Variants in PDE4B observed in about 807,000 individuals in gnomAD.
PDE4B encodes phosphodiesterase 4B.
In PDE4B, 20 loss-of-function variants were observed where a neutral mutation model predicts 82.2. The ratio of observed to expected loss-of-function variants is 0.24; its 90% CI spans 0.17 to 0.35. The LOEUF is 0.35. Among genes scored for constraint, PDE4B ranks in the 10% least tolerant of loss-of-function variants. The pLI is 1.00. For synonymous variants in PDE4B, 320 were observed against 318.9 expected (o/e 1.00, Z -0.04); for missense variants, 655 against 907.2 (o/e 0.72, Z 3.57).
intron 7 of PDE4B, among the ~76,000 whole-genome samples, chr1:66,311,803 C>A (rs1470572718): frequency 6.6e-6 from 1 of 152,200 alleles, no homozygotes; most frequent in Non-Finnish European, 1.5e-5. Context: ...GTAAATGGTA[C>A]AGTGGCAGAG....
chr1:66,281,825 C>A (rs376687349), intron 7 of PDE4B, among the ~76,000 whole-genome samples: 4 of 152,276 alleles, frequency 2.6e-5, no homozygotes, highest in South Asian at 2.1e-4. Flanking sequence ...ATCATTATCC[C>A]ATTTTTTTTA....
chr1:66,102,447 C>G lies in PDE4B; in HGVS notation c.282-145013C>G, dbSNP rs867390811. Among the ~76,000 whole-genome samples, 12 of 152,072 alleles carry G rather than the reference C, an allele frequency of 7.9e-5. No homozygotes were observed. In the South Asian group the frequency reaches 2.5e-3, roughly 32 times the overall value. ...ATGGGAAATATTGAAATTCATTTTGCTGTAAGTATAGCTGGTGAAGTGAGC... is the reference window on the plus strand; with the variant it reads ...ATGGGAAATATTGAAATTCATTTTGGTGTAAGTATAGCTGGTGAAGTGAGC... On this transcript the variant is annotated intron_variant, in intron 3 of 16. Transcript: ENST00000341517.
At chr1:65,853,806 G>T (rs1237816314) in intron 1 of PDE4B, among the ~76,000 whole-genome samples, 1 of 152,160 alleles carries the variant, frequency 6.6e-6, no homozygotes, top group African/African-American at 2.4e-5. Context: ...AGGATTACAG[G>T]CATGAGCCAC....
chr1:65,993,748 A>C (rs574998933), intron 3 of PDE4B, among the ~76,000 whole-genome samples: 1 of 152,158 alleles, frequency 6.6e-6, no homozygotes, highest in Admixed American at 6.6e-5. Flanking sequence ...TGTTATCTTT[A>C]AGAGCTTCTT....
chr1:66,079,240 T>C (rs1463374353), intron 3 of PDE4B, among the ~76,000 whole-genome samples: 1 of 151,692 alleles, frequency 6.6e-6, no homozygotes, highest in African/African-American at 2.4e-5. Flanking sequence ...CATTTAATGC[T>C]TTTTTATTTT....
intron 1 of PDE4B, among the ~76,000 whole-genome samples, chr1:65,827,731 T>C (rs961777144): frequency 5.3e-5 from 8 of 152,078 alleles, no homozygotes; most frequent in African/African-American, 1.9e-4. Context: ...AAAAAATATT[T>C]GAAGAAATAA....
chr1:65,923,676 C>A (rs530235268), intron 3 of PDE4B, among the ~76,000 whole-genome samples: 1 of 152,218 alleles, frequency 6.6e-6, no homozygotes, highest in South Asian at 2.1e-4. Flanking sequence ...AACTATTTTT[C>A]CCTGCTTTTT....
At chr1:66,315,519 G>A (rs1002011803) in intron 7 of PDE4B, among the ~76,000 whole-genome samples, 2 of 152,130 alleles carry the variant, frequency 1.3e-5, no homozygotes, top group African/African-American at 4.8e-5. Flanking sequence ...GCAGTGGCAC[G>A]ATCTTGGCTC....
At chr1:65,888,515 T>C (rs1336693332) in intron 1 of PDE4B, among the ~76,000 whole-genome samples, 3 of 152,194 alleles carry the variant, frequency 2.0e-5, no homozygotes, top group Non-Finnish European at 4.4e-5. Flanking sequence ...TGGAATTATA[T>C]TGAATCTGCA....
chr1:66,180,347 T>C (rs1647034280), intron 3 of PDE4B, among the ~76,000 whole-genome samples: 1 of 152,176 alleles, frequency 6.6e-6, no homozygotes, highest in Non-Finnish European at 1.5e-5. Flanking sequence ...AAAGTTAGAA[T>C]GTGAATCAAG....
intron 3 of PDE4B, among the ~76,000 whole-genome samples, chr1:66,168,159 T>C (rs1029680493): frequency 3.9e-5 from 6 of 152,334 alleles, no homozygotes; most frequent in African/African-American, 1.4e-4. Context: ...TTTATTCATT[T>C]ATAAATTAAT....
intron 7 of PDE4B, among the ~76,000 whole-genome samples, chr1:66,297,132 T>A (rs1038780113): frequency 6.6e-6 from 1 of 152,138 alleles, no homozygotes; most frequent in Non-Finnish European, 1.5e-5. Context: ...CTCACACAGA[T>A]TCAGATTCAG....
In PDE4B at chr1:66,019,748, G is replaced by T. The variant is rs574935804; in HGVS notation, c.281+100913G>T. Among the ~76,000 whole-genome samples the T allele has an allele frequency of 5.3e-5, 8 of 152,308 alleles. No homozygotes were observed. In the East Asian group the frequency reaches 1.5e-3, roughly 29 times the overall value. ...TTGCAGCCAGAAACAGAAAGGATTA[G>T]ATTTTAATATCATCTAACAATATTC... is the stretch of plus-strand genomic sequence containing the variant. On this transcript the variant is annotated intron_variant, in intron 3 of 16. Coordinates refer to ENST00000341517, the MANE Select transcript of PDE4B (RefSeq NM_002600.4).
Position 66,249,333 on chromosome 1 carries a change from T to G in PDE4B, c.476+1679T>G, listed in dbSNP as rs537777767. Among the ~76,000 whole-genome samples the G allele has an allele frequency of 3.3e-5, 5 of 152,308 alleles. No homozygotes were observed. In the South Asian group the frequency reaches 1.0e-3, roughly 32 times the overall value. The stretch of plus-strand genomic sequence containing the variant: ...CTTAATTCACATAGTATTTTACAGG[T>G]GCAAGATTAGCTTTGAAATCTTGTC... On this transcript the variant is annotated intron_variant, in intron 4 of 16. Transcript: ENST00000341517.
At chr1:65,873,798 A>G (rs976561262) in intron 1 of PDE4B, among the ~76,000 whole-genome samples, 2 of 152,190 alleles carry the variant, frequency 1.3e-5, no homozygotes, top group Non-Finnish European at 2.9e-5. Context: ...AAATAGAGGT[A>G]GAGATTTTTA....
chr1:66,081,822 C>G (rs1190219264), intron 3 of PDE4B, among the ~76,000 whole-genome samples: 12 of 128,168 alleles, frequency 9.4e-5, no homozygotes, highest in African/African-American at 2.2e-4. Context: ...CTCTCTCTCT[C>G]TCTCTCTCTC....
intron 3 of PDE4B, among the ~76,000 whole-genome samples, chr1:65,997,156 C>A (rs1225751929): frequency 1.6e-5 from 2 of 128,248 alleles, no homozygotes; most frequent in Non-Finnish European, 3.3e-5. Context: ...GACCCACCCC[C>A]GCCCCCCACC....
chr1:66,363,111 G>A (rs1424982664), intron 10 of PDE4B, 57 bp from the exon 11 acceptor site: 5 of 1,152,006 alleles, frequency 4.3e-6, no homozygotes, highest in Non-Finnish European at 6.5e-6. Flanking sequence ...TTAAAAAAAT[G>A]AGGCATGTTA....
chr1:66,129,630 A>T (rs556006139), intron 3 of PDE4B, among the ~76,000 whole-genome samples: 16 of 142,952 alleles, frequency 1.1e-4, no homozygotes, highest in Non-Finnish European at 2.4e-4. Flanking sequence ...ACTGCACTCC[A>T]GCCTGGGCGA....
Sources: allele counts gnomAD v4.1 joint callset (sites outside exome capture counted in the v4.1 genomes callset), GRCh38; gene constraint gnomAD v4.1.1; transcripts MANE v1.5; gene names NCBI Gene and HGNC (gene_info 2026-07-23, HGNC 2026-07-21).